Variants in TGFB1 observed in about 807,000 individuals in gnomAD.
The protein encoded by TGFB1 is transforming growth factor beta-1 proprotein.
In TGFB1, 19 loss-of-function variants were observed where a neutral mutation model predicts 43.8. The ratio of observed to expected loss-of-function variants is 0.43; its 90% confidence interval spans 0.30 to 0.64. TGFB1 has a LOEUF of 0.64. TGFB1 is among the 30% of genes least tolerant of loss of function. The pLI is 0.11. For synonymous variants in TGFB1, 221 were observed against 236.3 expected (o/e 0.94, Z 0.60); for missense variants, 445 against 529.8 (o/e 0.84, Z 1.57).
chr19:41,340,748 C>T (rs1281783419), intron 5 of TGFB1, among the ~76,000 whole-genome samples: 1 of 152,160 alleles, frequency 6.6e-6, no homozygotes, highest in Non-Finnish European at 1.5e-5. Context: ...TATTCAAGGA[C>T]TCCAATCTGC....
intron 5 of TGFB1, among the ~76,000 whole-genome samples, chr19:41,338,239 A>G (rs1476517727): frequency 6.6e-6 from 1 of 151,260 alleles, no homozygotes; most frequent in Non-Finnish European, 1.5e-5. Flanking sequence ...CACCCCTGCA[A>G]TCCCAGCACT....
At chr19:41,352,345 C>A (rs1475783814) in intron 1 of TGFB1, among the ~76,000 whole-genome samples, 1 of 16,674 alleles carries the variant, frequency 6.0e-5, no homozygotes, top group African/African-American at 3.0e-4. Context: ...ACCCCACGAC[C>A]CCCCCCCCCA....
intron 2 of TGFB1, 35 bp from the exon 3 acceptor site, chr19:41,344,899 G>C: frequency 6.5e-7 from 1 of 1,533,458 alleles, no homozygotes. Flanking sequence ...GAGACAGTGG[G>C]TAGATGGTGT....
chr19:41,352,946 G>C lies in TGFB1; in HGVS notation c.99C>G (p.Cys33Trp). ...TCACCAGCTCCATGTCGATAGTCTT[G>C]CAGGTGGATAGTCCCGCGGCCGGCC... Reference protein sequence around the residue: ...PGRPAAGLSTCKTIDMELVKR... With the variant: ...PGRPAAGLSTWKTIDMELVKR... The change falls in exon 1 of 7, where the codon TGC becomes TGG. Residue 33 changes from cysteine to tryptophan, a missense_variant. Cys to Trp is a radical substitution (Grantham distance 215). Around this residue, in one of 3 missense-constraint regions of TGFB1, gnomAD observed 366 missense variants for 428.8 expected, o/e 0.85. Coordinates refer to ENST00000221930, the MANE Select transcript of TGFB1 (RefSeq NM_000660.7). 6.4e-7 allele frequency: 1 copy of C among 1,552,994 alleles called. No homozygotes were observed. Among genetic ancestry groups the C allele is most frequent in the Non-Finnish European group, 8.7e-7 (1 of 1,151,178 alleles).
At chr19:41,339,289 G>T (rs1353695360) in intron 5 of TGFB1, among the ~76,000 whole-genome samples, 1 of 151,794 alleles carries the variant, frequency 6.6e-6, no homozygotes, top group South Asian at 2.1e-4. Flanking sequence ...TAGTTTTTTT[G>T]TATTTCTTGT....
chr19:41,341,367 T>C (rs2123097064), intron 5 of TGFB1, among the ~76,000 whole-genome samples: 1 of 144,964 alleles, frequency 6.9e-6, no homozygotes, highest in South Asian at 2.1e-4. Flanking sequence ...CTCGGGAGGC[T>C]GAGACAGGAG....
chr19:41,342,509 A>C (rs906529591), intron 3 of TGFB1, among the ~76,000 whole-genome samples: 1 of 124,188 alleles, frequency 8.1e-6, no homozygotes, highest in Admixed American at 8.1e-5. Flanking sequence ...GCTACCACGC[A>C]TGGCTAATTT....
intron 4 of TGFB1, 30 bp downstream of exon 4, chr19:41,342,140 A>T (rs1255803768): frequency 1.9e-6 from 3 of 1,611,518 alleles, no homozygotes; most frequent in Non-Finnish European, 2.5e-6. Flanking sequence ...ACACGTCACA[A>T]CTGGGCATGG....
Position 41,337,289 on chromosome 19 carries a change from C to G in TGFB1, c.860+4594G>C, listed in dbSNP as rs188079840. On this transcript the variant is annotated intron_variant, in intron 5 of 6. Coordinates refer to ENST00000221930, the MANE Select transcript of TGFB1 (RefSeq NM_000660.7). ...CAAGAGTAGCTGGGATTACAGGGCC[C>G]GCCACCACGCCTGGCTCATTTTTGA... Among the ~76,000 whole-genome samples the G allele has an allele frequency of 1.9e-3, 290 of 152,072 alleles. 1 individual carries two copies. The highest frequency in any genetic ancestry group is 6.7e-3 in the African/African-American group (277 of 41,486).
Position 41,342,051 on chromosome 19 carries a change from G to A in TGFB1, c.713-21C>T, listed in dbSNP as rs763345073. On this transcript the variant is annotated intron_variant, in intron 4 of 6. Transcript: ENST00000221930. ...GAACCCTGCTTTGGTGTGGGAGTCA[G>A]GGGATAGGGGACATACACACACACT... 29 of 1,614,176 alleles carry A rather than the reference G, an allele frequency of 1.8e-5. No homozygotes were observed. The East Asian group carries it at 5.3e-4, about 30-fold the overall frequency.
chr19:41,340,251 C>CTTTTTTTTTT (rs3061188), intron 5 of TGFB1, among the ~76,000 whole-genome samples: 2 of 125,214 alleles, frequency 1.6e-5, no homozygotes, highest in Non-Finnish European at 1.6e-5. Context: ...CACTTTCTTT[C>CTTTTTTTTTT]TTTTTTTTTT....
chr19:41,341,310 CA>C (rs1742789849), intron 5 of TGFB1, among the ~76,000 whole-genome samples: 1 of 149,326 alleles, frequency 6.7e-6, no homozygotes, highest in Non-Finnish European at 1.5e-5. Flanking sequence ...ACTAAAAATA[CA>C]AAAAAATTAG....
intron 5 of TGFB1, among the ~76,000 whole-genome samples, chr19:41,332,588 C>G (rs1183626211): frequency 6.6e-6 from 1 of 152,222 alleles, no homozygotes; most frequent in Non-Finnish European, 1.5e-5. Flanking sequence ...ATGCCACACC[C>G]TGGAACATAC....
At chr19:41,334,383 A>G (rs2037966800) in intron 5 of TGFB1, among the ~76,000 whole-genome samples, 3 of 152,056 alleles carry the variant, frequency 2.0e-5, no homozygotes, top group Admixed American at 1.3e-4. Context: ...CTTGAAAAGA[A>G]AAGAAAAAAG....
At chr19:41,351,741 C>T (rs2038198317) in intron 1 of TGFB1, among the ~76,000 whole-genome samples, 1 of 152,034 alleles carries the variant, frequency 6.6e-6, no homozygotes, top group African/African-American at 2.4e-5. Flanking sequence ...GAGTCACCCC[C>T]CACCCAGCAC....
intron 5 of TGFB1, among the ~76,000 whole-genome samples, chr19:41,340,242 A>ACTTT (rs1446844695): frequency 2.2e-5 from 3 of 134,562 alleles, no homozygotes; most frequent in African/African-American, 5.4e-5. Flanking sequence ...TCAAACTGAC[A>ACTTT]CTTTCTTTCT....
intron 1 of TGFB1, among the ~76,000 whole-genome samples, chr19:41,349,693 G>T (rs2038160331): frequency 6.6e-6 from 1 of 152,088 alleles, no homozygotes; most frequent in Admixed American, 6.6e-5. Flanking sequence ...AGAGGCAGAG[G>T]TTATAGTGTG....
Position 41,335,188 on chromosome 19 carries a change from G to A in TGFB1, c.861-2907C>T, listed in dbSNP as rs545336287. Among the ~76,000 whole-genome samples the A allele has an allele frequency of 1.6e-4, 25 of 152,056 alleles. No homozygotes were observed. The East Asian group carries it at 4.7e-3, about 28-fold the overall frequency. The stretch of plus-strand genomic sequence containing the variant: ...CTGCCTCAGCCTCTCAAGTACCTGG[G>A]ATTACAGGCATGTGCCACCATGCCT... On this transcript the variant is annotated intron_variant, in intron 5 of 6. Coordinates refer to ENST00000221930, the MANE Select transcript of TGFB1 (RefSeq NM_000660.7).
chr19:41,349,326 CCT>C (rs1464124702), intron 1 of TGFB1, among the ~76,000 whole-genome samples: 1 of 152,214 alleles, frequency 6.6e-6, no homozygotes, highest in Non-Finnish European at 1.5e-5. Flanking sequence ...CAAGTGAATT[CCT>C]CTCTCTGAGC....
Sources: gnomAD v4.1 joint callset for allele counts (sites outside exome capture counted in the v4.1 genomes callset) on GRCh38, gnomAD v4.1.1 for gene constraint, gnomAD v4.1.1 regional missense constraint, MANE v1.5 for transcripts, NCBI Gene and HGNC (gene_info 2026-07-23, HGNC 2026-07-21) for gene names.